GDA: variants seen among roughly 807,000 people sequenced by gnomAD.
GDA encodes cytoplasmic PSD-95 interactor.
In GDA, 18 loss-of-function variants were observed where a neutral mutation model predicts 59.6. The observed-to-expected ratio is 0.30, with a 90% CI of 0.21 to 0.45. The LOEUF is 0.45. Among genes scored for constraint, GDA ranks in the 20% least tolerant of loss-of-function variants. GDA has a pLI of 1.00. For missense variants in GDA, 427 were observed against 552.3 expected, an observed-to-expected ratio of 0.77 and a Z score of 2.27; for synonymous variants, 201 against 201.1, an observed-to-expected ratio of 1.00 and a Z score of 0.00.
chr9:72,175,320 C>A (rs1046172819), intron 1 of GDA, among the ~76,000 whole-genome samples: 2 of 152,094 alleles, frequency 1.3e-5, no homozygotes, highest in African/African-American at 2.4e-5. Flanking sequence ...GGGTGAACCA[C>A]CACACCCAGC....
At chr9:72,200,218 G>A (rs548453715) in intron 2 of GDA, among the ~76,000 whole-genome samples, 24 of 152,020 alleles carry the variant, frequency 1.6e-4, no homozygotes, top group South Asian at 2.1e-4. Context: ...GGATGGTCTC[G>A]ATCTCCTGAC....
Position 72,250,651 on chromosome 9 carries a change from C to T in GDA, c.*2309C>T. On this transcript the variant is annotated 3_prime_UTR_variant, in exon 14 of 14. Transcript: ENST00000358399. The stretch of plus-strand genomic sequence containing the variant: ...GATTTTCTGCACTTTGAAATGTTGC[C>T]TTTGCCTAATGTAGGTTGACTTTCT... 2.5e-6 allele frequency: 4 copies of T among 1,603,790 alleles called. No individual in the cohort carries two copies. The highest frequency in any genetic ancestry group is 3.4e-6 in the Non-Finnish European group (4 of 1,176,884).
chr9:72,256,808 C>G (rs1424126938), downstream of GDA, among the ~76,000 whole-genome samples: 2 of 152,052 alleles, frequency 1.3e-5, no homozygotes, highest in African/African-American at 4.8e-5. Context: ...CAACAAATAC[C>G]TTGGTATGGT....
chr9:72,197,967 A>G (rs1269245439), intron 2 of GDA, among the ~76,000 whole-genome samples: 1 of 152,198 alleles, frequency 6.6e-6, no homozygotes, highest in East Asian at 1.9e-4. Flanking sequence ...TGGACCCTGG[A>G]CAGGTTTGCA....
At chr9:72,231,659 G>T (rs964766938) in intron 10 of GDA, among the ~76,000 whole-genome samples, 1 of 152,136 alleles carries the variant, frequency 6.6e-6, no homozygotes, top group Non-Finnish European at 1.5e-5. Flanking sequence ...CAAAGATTAG[G>T]CTATAAAGGA....
At chr9:72,186,882 T>C (rs1743200878) in intron 1 of GDA, among the ~76,000 whole-genome samples, 1 of 152,164 alleles carries the variant, frequency 6.6e-6, no homozygotes. Context: ...ATCACACTTA[T>C]TATCTCTCCA....
chr9:72,191,777 G>A (rs1465973375), intron 1 of GDA, among the ~76,000 whole-genome samples: 1 of 152,036 alleles, frequency 6.6e-6, no homozygotes, highest in Non-Finnish European at 1.5e-5. Flanking sequence ...TAGTAGAGAT[G>A]GGGTTTCACC....
intron 1 of GDA, among the ~76,000 whole-genome samples, chr9:72,176,482 C>T (rs1176303187): frequency 2.0e-5 from 3 of 152,184 alleles, no homozygotes; most frequent in Non-Finnish European, 4.4e-5. Flanking sequence ...TAGAACACCA[C>T]ATGGGTGTTT....
At chr9:72,194,806 A>G (rs1164597543) in intron 1 of GDA, among the ~76,000 whole-genome samples, 1 of 152,184 alleles carries the variant, frequency 6.6e-6, no homozygotes, top group Non-Finnish European at 1.5e-5. Context: ...TCAAGTCCCA[A>G]CTGCTGGGAT....
intron 1 of GDA, among the ~76,000 whole-genome samples, chr9:72,161,964 C>T (rs1414018383): frequency 2.6e-5 from 4 of 152,234 alleles, no homozygotes; most frequent in Non-Finnish European, 2.9e-5. Context: ...GAAGTAACAT[C>T]GTTGGTGACT....
chr9:72,169,071 G>A (rs1386411687), intron 1 of GDA, among the ~76,000 whole-genome samples: 1 of 152,194 alleles, frequency 6.6e-6, no homozygotes, highest in Non-Finnish European at 1.5e-5. Context: ...AGGGATTCTG[G>A]TAATTTGTTA....
chr9:72,120,926 G>A (rs1340615385), intron 1 of GDA, among the ~76,000 whole-genome samples: 1 of 152,030 alleles, frequency 6.6e-6, no homozygotes, highest in Non-Finnish European at 1.5e-5. Context: ...CTTCTTTCTA[G>A]GGTTAATTTC....
intron 12 of GDA, 150 bp from the exon 13 acceptor site, chr9:72,247,256 A>G (rs1587808256): frequency 2.9e-6 from 2 of 678,076 alleles, no homozygotes; most frequent in East Asian, 5.4e-5. Flanking sequence ...TATAAAGCAC[A>G]TAGCCACTTC....
chr9:72,219,971 A>G (rs1283097781), intron 6 of GDA, among the ~76,000 whole-genome samples: 1 of 152,242 alleles, frequency 6.6e-6, no homozygotes, highest in African/African-American at 2.4e-5. Flanking sequence ...AGATATCTGC[A>G]CTTCTATATT....
At chr9:72,259,514 T>C (rs1324302244), downstream of GDA, among the ~76,000 whole-genome samples, 1 of 152,146 alleles carries the variant, frequency 6.6e-6, no homozygotes, top group Non-Finnish European at 1.5e-5. Context: ...GGCAGAGCAG[T>C]GGTGCCTTTT....
intron 6 of GDA, among the ~76,000 whole-genome samples, chr9:72,220,859 A>G (rs1004531950): frequency 6.6e-6 from 1 of 151,984 alleles, no homozygotes; most frequent in African/African-American, 2.4e-5. Context: ...TGCAGCAGGC[A>G]CCCCCTATTG....
rs539693445 is a variant in GDA at position 72,223,103 on chromosome 9, T to C, written c.607-17T>C. The C allele has an allele frequency of 2.2e-4, 278 of 1,268,398 alleles. 8 individuals carry two copies. In the South Asian group the frequency reaches 3.2e-3, roughly 15 times the overall value. 78.6% of individuals were successfully genotyped at this position (1,268,398 alleles called of 1,614,324 possible). A position where few individuals can be genotyped will look rare whatever the true frequency, so the allele number is the denominator to read the frequency against. On this transcript the variant is annotated splice_polypyrimidine_tract_variant and intron_variant, in intron 6 of 13. Transcript: ENST00000358399. ...TGATGTAAGGAAGAGGTATCAATTG[T>C]TTTTAATTATCTCCAGTATTCTAGA... is the stretch of plus-strand genomic sequence containing the variant.
chr9:72,149,318 A>T, upstream of GDA: 1 of 531,494 alleles, frequency 1.9e-6, no homozygotes, highest in Admixed American at 3.7e-5. Flanking sequence ...GAGAAAGACC[A>T]CACCCCACGG....
Position 72,123,185 on chromosome 9 carries a change from C to CTTTT in GDA, c.-100+8365_-100+8368dup, listed in dbSNP as rs530381322. On this transcript the variant is annotated intron_variant, in intron 1 of 13. Transcript: ENST00000545168. The stretch of plus-strand genomic sequence containing the variant: ...AGCTGTTTGTTTTCTTTTTTCTTCC[C>CTTTT]TTTTTTTTTTTTTTTTGAGACCGAG... Among the ~76,000 whole-genome samples, 352 of 126,136 alleles carry CTTTT rather than the reference C, an allele frequency of 2.8e-3. 8 individuals carry two copies. Among genetic ancestry groups the CTTTT allele is most frequent in the African/African-American group, 9.3e-3 (319 of 34,288 alleles). The allele number at this position is 126,136 out of a possible 152,430, so 82.8% of individuals were successfully genotyped here.
Sources: gnomAD v4.1 joint callset for allele counts (sites outside exome capture counted in the v4.1 genomes callset) on GRCh38, gnomAD v4.1.1 for gene constraint, MANE v1.5 for transcripts, NCBI Gene and HGNC (gene_info 2026-07-23, HGNC 2026-07-21) for gene names.